PEBP4: variants seen among roughly 807,000 people sequenced by gnomAD.
PEBP4 encodes the protein phosphatidylethanolamine binding protein 4.
In PEBP4, 22 loss-of-function variants were observed where a neutral mutation model predicts 23.9. The ratio of observed to expected loss-of-function variants is 0.92; its 90% CI spans 0.66 to 1.31. The LOEUF (loss-of-function observed/expected upper bound fraction) is 1.31. Among genes scored for constraint, PEBP4 ranks in the 40% most tolerant of loss-of-function variants. The pLI, the probability that PEBP4 is intolerant of heterozygous loss-of-function variation, is 0.00. For synonymous variants in PEBP4, 112 were observed against 99.3 expected (o/e 1.13, Z -0.76); for missense variants, 324 against 281.7 (o/e 1.15, Z -1.07).
chr8:22,802,722 G>GCGC (rs1806411841), intron 4 of PEBP4, among the ~76,000 whole-genome samples: 1 of 152,238 alleles, frequency 6.6e-6, no homozygotes, highest in South Asian at 2.1e-4. Context: ...GAGAGCAAGC[G>GCGC]CGCAGGGAAT....
intron 3 of PEBP4, among the ~76,000 whole-genome samples, chr8:22,877,223 T>C (rs1585318951): frequency 2.0e-5 from 3 of 152,254 alleles, no homozygotes; most frequent in East Asian, 3.9e-4. Flanking sequence ...CTAAGAGCCC[T>C]TTTTGTCCAG....
At chr8:22,817,512 TG>T in intron 4 of PEBP4, 124 bp downstream of exon 4, 6 of 856,170 alleles carry the variant, frequency 7.0e-6, no homozygotes, top group Non-Finnish European at 7.6e-6. Flanking sequence ...AGCTGAGCAC[TG>T]GGGGAGATGG....
chr8:22,936,971 A>G (rs894440854), intron 1 of PEBP4, among the ~76,000 whole-genome samples: 1 of 152,210 alleles, frequency 6.6e-6, no homozygotes, highest in Non-Finnish European at 1.5e-5. Context: ...GCCATATACA[A>G]AAAGCCCACA....
chr8:22,822,525 TTTC>T (rs776104417), intron 3 of PEBP4, among the ~76,000 whole-genome samples: 179 of 152,232 alleles, frequency 1.2e-3, no homozygotes, highest in Non-Finnish European at 1.6e-3. Context: ...TCTCTTTTCC[TTTC>T]TTCTTCTTCT....
chr8:22,855,043 C>T (rs1807616477), intron 3 of PEBP4, among the ~76,000 whole-genome samples: 2 of 3,540 alleles, frequency 5.6e-4, no homozygotes, highest in Admixed American at 6.1e-3. Flanking sequence ...CACACACACA[C>T]ATGCACCCCA....
At chr8:22,748,622 G>A (rs932236598) in intron 4 of PEBP4, among the ~76,000 whole-genome samples, 12 of 152,108 alleles carry the variant, frequency 7.9e-5, no homozygotes, top group African/African-American at 2.9e-4. Context: ...AACAAGGAGG[G>A]GGTGTGACTC....
At chr8:22,930,074 T>C (rs1429311515), upstream of PEBP4, among the ~76,000 whole-genome samples, 1 of 152,198 alleles carries the variant, frequency 6.6e-6, no homozygotes, top group Non-Finnish European at 1.5e-5. Context: ...ACTCACTCCC[T>C]CTACATTCCC....
At chr8:22,906,371 G>A (rs1222782718) in intron 3 of PEBP4, among the ~76,000 whole-genome samples, 1 of 152,210 alleles carries the variant, frequency 6.6e-6, no homozygotes, top group African/African-American at 2.4e-5. Context: ...AGGGATTTGT[G>A]CATTCACCCC....
intron 4 of PEBP4, among the ~76,000 whole-genome samples, chr8:22,746,285 A>C (rs1430393771): frequency 2.0e-5 from 3 of 152,046 alleles, no homozygotes; most frequent in East Asian, 3.9e-4. Context: ...GGGGTTAGAG[A>C]GAGCTCTGGG....
chr8:22,761,795 C>G (rs1288771433), intron 4 of PEBP4, among the ~76,000 whole-genome samples: 1 of 152,270 alleles, frequency 6.6e-6, no homozygotes, highest in African/African-American at 2.4e-5. Context: ...TTTTCTGTCT[C>G]CTTCTTTCTC....
chr8:22,918,721 G>A (rs1323133908), intron 3 of PEBP4, among the ~76,000 whole-genome samples: 3 of 152,176 alleles, frequency 2.0e-5, no homozygotes, highest in African/African-American at 7.2e-5. Flanking sequence ...GGATGGTGAA[G>A]CCGAGAGTCC....
chr8:22,773,294 A>G (rs17676895), intron 4 of PEBP4, among the ~76,000 whole-genome samples: 10,967 of 152,262 alleles, frequency 0.072, 446 homozygotes, highest in African/African-American at 0.084. Flanking sequence ...GCCCAGGTGT[A>G]TTATTACTCT....
chr8:22,790,643 T>C (rs966167481), intron 4 of PEBP4, among the ~76,000 whole-genome samples: 3 of 152,154 alleles, frequency 2.0e-5, no homozygotes, highest in African/African-American at 4.8e-5. Context: ...TTGAAGGGTC[T>C]TGTGGCTACC....
chr8:22,896,800 C>T (rs1404678583), intron 3 of PEBP4, among the ~76,000 whole-genome samples: 2 of 151,982 alleles, frequency 1.3e-5, no homozygotes, highest in African/African-American at 4.8e-5. Context: ...TTAAAATCCA[C>T]AGTTAGTGTC....
intron 1 of PEBP4, among the ~76,000 whole-genome samples, chr8:22,940,582 G>A (rs1476156616): frequency 7.2e-6 from 1 of 139,404 alleles, no homozygotes; most frequent in African/African-American, 2.8e-5. Flanking sequence ...TCCACCTCCC[G>A]GGTTCATGCC....
intron 4 of PEBP4, chr8:22,758,121 G>A (rs1014607123): frequency 5.9e-5 from 9 of 152,256 alleles, no homozygotes; most frequent in South Asian, 2.1e-4. Flanking sequence ...CATAAGCTGT[G>A]AAGCCTGCAA....
Position 22,846,812 on chromosome 8 carries a change from G to T in PEBP4, c.259-29077C>A, listed in dbSNP as rs192421528. Among the ~76,000 whole-genome samples, 324 of 152,172 alleles carry T rather than the reference G, an allele frequency of 2.1e-3. 1 individual carries two copies. The highest frequency in any genetic ancestry group is 0.017 in the Middle Eastern group (5 of 294). ...CAAAAACTTGTAGTGTTTGGGTTTG[G>T]GCCAAATAGAGATTGCCTGTGTAGA... On this transcript the variant is annotated intron_variant, in intron 3 of 6. Transcript: ENST00000256404.
chr8:22,845,738 C>T (rs1225565949), intron 3 of PEBP4, among the ~76,000 whole-genome samples: 1 of 152,236 alleles, frequency 6.6e-6, no homozygotes, highest in Non-Finnish European at 1.5e-5. Flanking sequence ...GTCATTCTGC[C>T]CTCATGCCCC....
At chr8:22,791,367 T>C (rs1262923896) in intron 4 of PEBP4, among the ~76,000 whole-genome samples, 4 of 152,184 alleles carry the variant, frequency 2.6e-5, no homozygotes, top group East Asian at 1.9e-4. Context: ...TATCTGCTCA[T>C]TGCCATCCTG....
Sources: gnomAD v4.1 joint callset for allele counts (sites outside exome capture counted in the v4.1 genomes callset) on GRCh38, gnomAD v4.1.1 for gene constraint, MANE v1.5 for transcripts, NCBI Gene and HGNC (gene_info 2026-07-23, HGNC 2026-07-21) for gene names.